The following SERPINI1 variants were observed in gnomAD, a reference collection of about 807,000 sequenced individuals.
SERPINI1 encodes the protein neuroserpin.
Under a neutral mutation model 41.1 loss-of-function variants are expected in SERPINI1, and 19 were observed. The ratio of observed to expected loss-of-function variants is 0.46; its 90% CI spans 0.32 to 0.68. SERPINI1 has a LOEUF of 0.68. Among genes scored for constraint, SERPINI1 ranks in the 30% least tolerant of loss-of-function variants. The pLI, the probability that SERPINI1 is intolerant of heterozygous loss-of-function variation, is 0.03. For synonymous variants in SERPINI1, 138 were observed against 156.6 expected (o/e 0.88, Z 0.89); for missense variants, 460 against 479.2 (o/e 0.96, Z 0.37).
chr3:167,792,089 C>T (rs978377074), intron 3 of SERPINI1, among the ~76,000 whole-genome samples: 28 of 152,112 alleles, frequency 1.8e-4, no homozygotes, highest in Non-Finnish European at 5.9e-5. Context: ...CATACCATTG[C>T]ACTCCAGCCT....
intron 5 of SERPINI1, among the ~76,000 whole-genome samples, chr3:167,796,612 G>A (rs911106099): frequency 6.6e-6 from 1 of 152,072 alleles, no homozygotes; most frequent in South Asian, 2.1e-4. Context: ...GCACTGTTTG[G>A]TTTTCTGTTC....
chr3:167,750,520 A>C (rs1207578576), intron 1 of SERPINI1, among the ~76,000 whole-genome samples: 2 of 152,232 alleles, frequency 1.3e-5, no homozygotes, highest in African/African-American at 4.8e-5. Context: ...TGTGAAGAGA[A>C]AGTGAAAGGT....
intron 1 of SERPINI1, among the ~76,000 whole-genome samples, chr3:167,758,175 A>G (rs552656326): frequency 1.5e-5 from 2 of 130,186 alleles, no homozygotes; most frequent in Non-Finnish European, 3.4e-5. Context: ...GTGTCCCCTG[A>G]TACCCCACAC....
At chr3:167,763,374 T>G (rs987246818) in intron 1 of SERPINI1, among the ~76,000 whole-genome samples, 8 of 148,044 alleles carry the variant, frequency 5.4e-5, no homozygotes, top group Non-Finnish European at 8.9e-5. Context: ...TGTGTGTGTG[T>G]GTGTATGTGT....
intron 5 of SERPINI1, among the ~76,000 whole-genome samples, chr3:167,797,850 C>T (rs756138912): frequency 6.6e-6 from 1 of 151,526 alleles, no homozygotes; most frequent in Non-Finnish European, 1.5e-5. Context: ...ATTTAAATTA[C>T]TATGTAAATC....
At chr3:167,762,059 G>C (rs868190391) in intron 1 of SERPINI1, among the ~76,000 whole-genome samples, 1 of 152,024 alleles carries the variant, frequency 6.6e-6, no homozygotes, top group Non-Finnish European at 1.5e-5. Context: ...TTCCACCCTT[G>C]GTCTCGATGA....
intron 5 of SERPINI1, among the ~76,000 whole-genome samples, chr3:167,799,285 A>ACT (rs1727822106): frequency 6.6e-6 from 1 of 152,124 alleles, no homozygotes; most frequent in African/African-American, 2.4e-5. Context: ...GAGTGACAAC[A>ACT]TGCGGTGTTT....
intron 6 of SERPINI1, among the ~76,000 whole-genome samples, chr3:167,821,307 A>G (rs1042444412): frequency 1.3e-5 from 2 of 152,178 alleles, no homozygotes; most frequent in African/African-American, 4.8e-5. Flanking sequence ...CCCTTCAGGG[A>G]GCCCAGACCT....
At chr3:167,814,330 C>A (rs1711996575) in intron 6 of SERPINI1, among the ~76,000 whole-genome samples, 1 of 152,174 alleles carries the variant, frequency 6.6e-6, no homozygotes, top group Admixed American at 6.5e-5. Flanking sequence ...TGAATGTTTG[C>A]TGGTTTTGTA....
intron 1 of SERPINI1, among the ~76,000 whole-genome samples, chr3:167,771,036 G>A (rs1726732029): frequency 6.6e-6 from 1 of 152,100 alleles, no homozygotes; most frequent in Admixed American, 6.5e-5. Flanking sequence ...CTGTTCTTTT[G>A]TATAGATCCT....
chr3:167,819,002 G>C lies in SERPINI1; in HGVS notation c.980-3984G>C, dbSNP rs565721343. On this transcript the variant is annotated intron_variant, in intron 6 of 8. Coordinates refer to ENST00000446050, the MANE Select transcript of SERPINI1 (RefSeq NM_001122752.2). ...GTAGGAACTGGGTTCTAGCACCTTT[G>C]TATTCAAGGTCATGATATTGGCTCT... 3.3e-5 allele frequency among the ~76,000 whole-genome samples: 5 copies of C among 152,238 alleles called. No individual in the cohort carries two copies. In the South Asian group the frequency reaches 1.0e-3, roughly 32 times the overall value.
At chr3:167,742,932 C>A (rs1208319076) in intron 1 of SERPINI1, among the ~76,000 whole-genome samples, 3 of 151,492 alleles carry the variant, frequency 2.0e-5, no homozygotes, top group Non-Finnish European at 2.9e-5. Context: ...AGTCCCTGAG[C>A]AAAGGCATTC....
intron 1 of SERPINI1, among the ~76,000 whole-genome samples, chr3:167,771,259 C>T (rs1050159113): frequency 5.3e-5 from 8 of 151,888 alleles, no homozygotes; most frequent in East Asian, 1.9e-4. Flanking sequence ...AGTAAGGTTG[C>T]GATAATCTAA....
intron 1 of SERPINI1, among the ~76,000 whole-genome samples, chr3:167,759,400 G>GTATATATATATCTATATATATA: frequency 8.3e-6 from 1 of 121,118 alleles, no homozygotes; most frequent in East Asian, 2.5e-4. Flanking sequence ...AGAAAATGTG[G>GTATATATATATCTATATATATA]TATATATATA....
intron 6 of SERPINI1, among the ~76,000 whole-genome samples, chr3:167,820,882 T>C (rs1274883536): frequency 6.6e-6 from 1 of 152,180 alleles, no homozygotes; most frequent in African/African-American, 2.4e-5. Flanking sequence ...CCGCGCCACC[T>C]GTGGCCACCC....
intron 6 of SERPINI1, among the ~76,000 whole-genome samples, chr3:167,818,774 T>A (rs770225392): frequency 6.6e-6 from 1 of 152,186 alleles, no homozygotes; most frequent in Non-Finnish European, 1.5e-5. Context: ...TTACAACATT[T>A]GGGACACAGG....
intron 1 of SERPINI1, among the ~76,000 whole-genome samples, chr3:167,753,442 A>G (rs986698903): frequency 3.3e-5 from 5 of 152,068 alleles, no homozygotes; most frequent in East Asian, 1.9e-4. Context: ...TAAAGAAAAT[A>G]TAGGAAGCAT....
At position 167,765,108 on chromosome 3, in the gene SERPINI1, G is replaced by A. The variant is rs139864393; in HGVS notation, c.-18-24003G>A. On this transcript the variant is annotated intron_variant, in intron 1 of 8. Transcript: ENST00000446050. ...AGCTATCAGTGCATCTACCATTCTG[G>A]GGTCTGGTGGACAGTGGCCCTCTCC... Among the ~76,000 whole-genome samples, 971 of 152,224 alleles carry A rather than the reference G, an allele frequency of 6.4e-3. 11 individuals are homozygous for A. The highest frequency in any genetic ancestry group is 0.015 in the African/African-American group (617 of 41,534).
intron 1 of SERPINI1, among the ~76,000 whole-genome samples, chr3:167,744,557 AT>A (rs1461843445): frequency 2.7e-5 from 4 of 147,226 alleles, no homozygotes; most frequent in Non-Finnish European, 3.0e-5. Flanking sequence ...GGAAAAAGTA[AT>A]GCTACACTTT....
Sources: gnomAD v4.1 joint callset for allele counts (sites outside exome capture counted in the v4.1 genomes callset) on GRCh38, gnomAD v4.1.1 for gene constraint, MANE v1.5 for transcripts, NCBI Gene and HGNC (gene_info 2026-07-23, HGNC 2026-07-21) for gene names.